Variants in LIN28B observed in about 807,000 individuals in gnomAD.
The protein encoded by LIN28B is protein lin-28 homolog B.
In LIN28B, 5 loss-of-function variants were observed where a neutral mutation model predicts 21.9. That is an observed-to-expected ratio of 0.23 (90% CI 0.12 to 0.48). The LOEUF (loss-of-function observed/expected upper bound fraction) is 0.48, where lower values mean the gene tolerates loss of function less well. Ranked by LOEUF, LIN28B falls within the 20% of genes least tolerant of loss-of-function variation. The probability of loss-of-function intolerance (pLI) is 0.98; values close to 1 mark genes in which losing one functional copy is unlikely to be tolerated. For missense variants in LIN28B, 245 were observed against 310.5 expected (o/e 0.79, Z 1.58); for synonymous variants, 109 against 111.3 (o/e 0.98, Z 0.13).
chr6:105,011,124 T>C (rs1161695111), intron 2 of LIN28B, among the ~76,000 whole-genome samples: 1 of 152,160 alleles, frequency 6.6e-6, no homozygotes, highest in Non-Finnish European at 1.5e-5. Context: ...CCTTGGAACA[T>C]AGGAAAGGGC....
chr6:104,950,377 T>C, intron 2 of LIN28B: 1 of 725,252 alleles, frequency 1.4e-6, no homozygotes, highest in Non-Finnish European at 1.9e-6. Context: ...GGGCATTTTA[T>C]TGCTTTCTAA....
upstream of LIN28B, among the ~76,000 whole-genome samples, chr6:104,956,443 A>G (rs926044835): frequency 6.6e-6 from 1 of 152,216 alleles, no homozygotes; most frequent in African/African-American, 2.4e-5. Flanking sequence ...TTACCTAAAC[A>G]CAATTTGACT....
At chr6:105,018,629 CAAGTTA>C (rs1771076482) in intron 2 of LIN28B, among the ~76,000 whole-genome samples, 2 of 152,118 alleles carry the variant, frequency 1.3e-5, no homozygotes, top group Admixed American at 6.5e-5. Context: ...CCCTGGAAAT[CAAGTTA>C]AAGTTAAATA....
intron 3 of LIN28B, among the ~76,000 whole-genome samples, chr6:105,032,354 T>C (rs1478966087): frequency 2.0e-5 from 3 of 152,226 alleles, no homozygotes; most frequent in Non-Finnish European, 4.4e-5. Context: ...GTAATTATTT[T>C]TCTTTTGCAT....
At position 104,957,261 on chromosome 6, in the gene LIN28B, G is replaced by A; in HGVS notation, c.10+1G>A. 6.2e-7 allele frequency: 1 copy of A among 1,606,956 alleles called. No individual in the cohort carries two copies. The highest frequency in any genetic ancestry group is 8.5e-7 in the Non-Finnish European group (1 of 1,174,668). ...GGCCCGTGGGGCAACATGGCCGAAG[G>A]TTAATTTTCTTTTCTATTGTTTTAC... On this transcript the variant is annotated splice_donor_variant, in intron 1 of 3. Transcript: ENST00000345080. LOFTEE classifies it high-confidence loss of function.
At chr6:104,952,859 C>T (rs188821294), upstream of LIN28B, among the ~76,000 whole-genome samples, 3 of 152,236 alleles carry the variant, frequency 2.0e-5, no homozygotes. Context: ...AAAATTCTAA[C>T]GTTGGACCAA....
Position 105,034,603 on chromosome 6 carries a change from C to A in LIN28B, c.383+8121C>A, listed in dbSNP as rs1397925308. ...AAAATTGATTGTGAAATTTAACATT[C>A]CTTGTAGTCAGTACTAAAATGGTAC... On this transcript the variant is annotated intron_variant, in intron 3 of 3. Transcript: ENST00000345080. Among the ~76,000 whole-genome samples the A allele has an allele frequency of 2.0e-5, 3 of 152,092 alleles. No homozygotes were observed. In the East Asian group the frequency reaches 5.8e-4, roughly 29 times the overall value.
intron 3 of LIN28B, among the ~76,000 whole-genome samples, chr6:105,040,860 TA>T (rs34614576): frequency 0.77 from 117,129 of 151,936 alleles, 45,342 homozygotes; most frequent in East Asian, 0.96. Flanking sequence ...GATTTTCTTA[TA>T]TCTTTAAATT....
chr6:104,957,493 G>A (rs890292214), intron 1 of LIN28B, among the ~76,000 whole-genome samples: 5 of 151,808 alleles, frequency 3.3e-5, no homozygotes, highest in African/African-American at 7.3e-5. Flanking sequence ...CTTTCAGGGG[G>A]CTATTGTTTG....
intron 2 of LIN28B, among the ~76,000 whole-genome samples, chr6:104,949,628 C>T (rs1260347943): frequency 6.6e-6 from 1 of 152,158 alleles, no homozygotes; most frequent in African/African-American, 2.4e-5. Flanking sequence ...AAAGACAACT[C>T]TGGGTGTAGC....
At chr6:104,952,914 T>C (rs1778236163), upstream of LIN28B, among the ~76,000 whole-genome samples, 1 of 152,180 alleles carries the variant, frequency 6.6e-6, no homozygotes, top group Non-Finnish European at 1.5e-5. Context: ...GGAAATTAAA[T>C]GAGAATAGAA....
intron 2 of LIN28B, among the ~76,000 whole-genome samples, chr6:104,970,570 T>C (rs926159369): frequency 2.6e-5 from 4 of 152,212 alleles, no homozygotes; most frequent in African/African-American, 9.6e-5. Flanking sequence ...ACTAAATAGA[T>C]TTTTAAAATA....
chr6:105,054,888 A>G (rs1389235980), intron 3 of LIN28B, among the ~76,000 whole-genome samples: 1 of 151,954 alleles, frequency 6.6e-6, no homozygotes, highest in African/African-American at 2.4e-5. Flanking sequence ...CTGCTGGCCA[A>G]AAATTCACTC....
intron 2 of LIN28B, among the ~76,000 whole-genome samples, chr6:104,963,797 G>A (rs1470252620): frequency 3.3e-5 from 5 of 152,076 alleles, no homozygotes; most frequent in South Asian, 4.2e-4. Context: ...GCATGTTCTC[G>A]CTAATTTTCA....
chr6:104,998,125 C>A (rs1373573239), intron 2 of LIN28B, among the ~76,000 whole-genome samples: 1 of 152,032 alleles, frequency 6.6e-6, no homozygotes, highest in Non-Finnish European at 1.5e-5. Context: ...CATACAATAA[C>A]AGAATATTAA....
intron 2 of LIN28B, among the ~76,000 whole-genome samples, chr6:104,982,524 A>G (rs1193559855): frequency 6.6e-6 from 1 of 152,202 alleles, no homozygotes; most frequent in African/African-American, 2.4e-5. Context: ...TTTATTTAAT[A>G]TATGACACAC....
intron 3 of LIN28B, among the ~76,000 whole-genome samples, chr6:105,061,810 C>CT (rs1262333722): frequency 6.6e-6 from 1 of 151,832 alleles, no homozygotes; most frequent in African/African-American, 2.4e-5. Flanking sequence ...CCTGGATTCC[C>CT]TTTTTTATTA....
chr6:104,943,229 C>G (rs1312854858), intron 2 of LIN28B, among the ~76,000 whole-genome samples: 1 of 151,754 alleles, frequency 6.6e-6, no homozygotes, highest in African/African-American at 2.4e-5. Context: ...CCGGTTTACT[C>G]TGAAGAAAGA....
chr6:104,941,646 G>A (rs1015127361), intron 2 of LIN28B, among the ~76,000 whole-genome samples: 1 of 152,038 alleles, frequency 6.6e-6, no homozygotes, highest in Non-Finnish European at 1.5e-5. Flanking sequence ...GGCAGGCGTC[G>A]GGGATCGTTT....
Sources: allele counts gnomAD v4.1 joint callset (sites outside exome capture counted in the v4.1 genomes callset), GRCh38; gene constraint gnomAD v4.1.1; transcripts MANE v1.5; gene names NCBI Gene and HGNC (gene_info 2026-07-23, HGNC 2026-07-21).